The following SPAG16 variants were observed in gnomAD, a reference collection of about 807,000 sequenced individuals.
SPAG16 encodes the protein sperm associated antigen 16, also known as sperm-associated antigen 16 protein.
SPAG16 carries 86 observed loss-of-function variants against 80.4 expected under a neutral mutation model. The ratio of observed to expected loss-of-function variants is 1.07; its 90% CI spans 0.90 to 1.28. The LOEUF (loss-of-function observed/expected upper bound fraction) is 1.28. Ranked by LOEUF, SPAG16 falls within the 50% of genes most tolerant of loss-of-function variation. The pLI is 0.00. For missense variants in SPAG16, 870 were observed against 765.3 expected, an observed-to-expected ratio of 1.14 and a Z score of -1.61; for synonymous variants, 294 against 265.9, an observed-to-expected ratio of 1.11 and a Z score of -1.03.
chr2:213,554,537 C>T (rs551230345), intron 10 of SPAG16, among the ~76,000 whole-genome samples: 119 of 151,994 alleles, frequency 7.8e-4, no homozygotes, highest in African/African-American at 2.7e-3. Context: ...AATGGAGATA[C>T]GAGAACAGCA....
chr2:214,397,389 A>T (rs1701459034), intron 15 of SPAG16, among the ~76,000 whole-genome samples: 1 of 151,902 alleles, frequency 6.6e-6, no homozygotes, highest in Admixed American at 6.6e-5. Flanking sequence ...CAATCTCCGG[A>T]CCTCGTGATC....
chr2:213,619,620 A>C (rs1282422324), intron 10 of SPAG16, among the ~76,000 whole-genome samples: 1 of 152,168 alleles, frequency 6.6e-6, no homozygotes. Context: ...ATATCATCTC[A>C]CTCCAGTTAG....
chr2:214,063,763 C>A (rs1425924971), intron 13 of SPAG16, among the ~76,000 whole-genome samples: 1 of 152,112 alleles, frequency 6.6e-6, no homozygotes, highest in Non-Finnish European at 1.5e-5. Context: ...TCAAATGTCA[C>A]CATTTCCATG....
chr2:214,409,788 T>C (rs893244963), intron 15 of SPAG16, among the ~76,000 whole-genome samples: 4 of 152,208 alleles, frequency 2.6e-5, no homozygotes, highest in Non-Finnish European at 4.4e-5. Context: ...TATAATTTAT[T>C]TGAAAAAGAA....
chr2:214,213,471 A>G (rs1450659967), intron 15 of SPAG16, among the ~76,000 whole-genome samples: 1 of 152,174 alleles, frequency 6.6e-6, no homozygotes, highest in African/African-American at 2.4e-5. Context: ...ACCAGCTGCT[A>G]GAATTCTTCC....
chr2:213,611,987 A>G (rs2061453212), intron 10 of SPAG16, among the ~76,000 whole-genome samples: 1 of 152,204 alleles, frequency 6.6e-6, no homozygotes, highest in Admixed American at 6.5e-5. Flanking sequence ...ATAGTTGATT[A>G]TAATAATAAT....
At chr2:213,616,278 T>A (rs2061594991) in intron 10 of SPAG16, among the ~76,000 whole-genome samples, 1 of 152,232 alleles carries the variant, frequency 6.6e-6, no homozygotes, top group Admixed American at 6.5e-5. Context: ...CACAAATTGT[T>A]CTAATTTTAC....
intron 10 of SPAG16, among the ~76,000 whole-genome samples, chr2:213,825,278 GCAGTGGGCATCTGTGTCATA>G (rs2073203110): frequency 6.6e-6 from 1 of 151,986 alleles, no homozygotes; most frequent in African/African-American, 2.4e-5. Flanking sequence ...AACAGTGGTG[GCAGTGGGCATCTGTGTCATA>G]TTCTAGATCT....
chr2:213,833,997 G>A (rs1384767504), intron 10 of SPAG16, among the ~76,000 whole-genome samples: 3 of 152,068 alleles, frequency 2.0e-5, no homozygotes, highest in African/African-American at 4.8e-5. Context: ...CCCAGGGAGA[G>A]GAAATCGAAT....
intron 10 of SPAG16, among the ~76,000 whole-genome samples, chr2:213,747,590 G>T (rs2067885886): frequency 6.6e-6 from 1 of 152,124 alleles, no homozygotes; most frequent in African/African-American, 2.4e-5. Context: ...TACACAAATA[G>T]TTACCATTAT....
At chr2:213,970,715 A>G (rs1326908331) in intron 12 of SPAG16, among the ~76,000 whole-genome samples, 1 of 152,230 alleles carries the variant, frequency 6.6e-6, no homozygotes, top group Admixed American at 6.5e-5. Context: ...AGTATTTTGT[A>G]GATGTCCTTC....
At chr2:214,262,631 C>T (rs2125875326) in intron 15 of SPAG16, among the ~76,000 whole-genome samples, 1 of 151,988 alleles carries the variant, frequency 6.6e-6, no homozygotes, top group African/African-American at 2.4e-5. Context: ...TATGTCAAAA[C>T]AATATTTTTT....
At chr2:213,522,183 TAGG>T (rs2075704256) in intron 10 of SPAG16, among the ~76,000 whole-genome samples, 1 of 152,174 alleles carries the variant, frequency 6.6e-6, no homozygotes, top group African/African-American at 2.4e-5. Flanking sequence ...AGGTCCTGAA[TAGG>T]AGGAGATGGG....
intron 10 of SPAG16, among the ~76,000 whole-genome samples, chr2:213,609,683 T>C (rs2061380246): frequency 6.6e-6 from 1 of 152,154 alleles, no homozygotes; most frequent in Non-Finnish European, 1.5e-5. Flanking sequence ...CCCCACTATT[T>C]CCTTTTCACT....
chr2:213,822,706 G>A lies in SPAG16; in HGVS notation c.1071-39779G>A, dbSNP rs192249145. On this transcript the variant is annotated intron_variant, in intron 10 of 15. Transcript: ENST00000331683. ...GGTGGTTTGCTGAACCTATTGACCC[G>A]TCCTCTAAGTTCCCTCTCCTCAACC... 2.1e-4 allele frequency among the ~76,000 whole-genome samples: 32 copies of A among 152,008 alleles called. 1 individual carries two copies. The highest frequency in any genetic ancestry group is 1.5e-3 in the East Asian group (8 of 5,178).
chr2:214,021,474 A>G (rs959048742), intron 13 of SPAG16, among the ~76,000 whole-genome samples: 1 of 151,996 alleles, frequency 6.6e-6, no homozygotes, highest in Non-Finnish European at 1.5e-5. Flanking sequence ...AAACCATCAG[A>G]TCTCATGAGA....
rs373571511 is a variant in SPAG16 at position 213,627,989 on chromosome 2, CAT to C, written c.1070+137900_1070+137901del. 9.2e-4 allele frequency among the ~76,000 whole-genome samples: 140 copies of C among 152,300 alleles called. 1 individual carries two copies. The highest frequency in any genetic ancestry group is 2.5e-3 in the African/African-American group (106 of 41,584). ...AAATGTCACTATTGAAAACCTATCA[CAT>C]GTTTTATTCTATTCAAAGAGAAAGT... On this transcript the variant is annotated intron_variant, in intron 10 of 15. Transcript: ENST00000331683.
At chr2:214,238,910 C>T (rs1559148429) in intron 15 of SPAG16, 1 of 152,198 alleles carries the variant, frequency 6.6e-6, no homozygotes, top group East Asian at 1.9e-4. Flanking sequence ...CTTGGCTGTT[C>T]ACCATAAAAC....
intron 15 of SPAG16, among the ~76,000 whole-genome samples, chr2:214,165,150 T>G (rs535925756): frequency 6.6e-6 from 1 of 152,234 alleles, no homozygotes; most frequent in African/African-American, 2.4e-5. Flanking sequence ...TTAAATTAGT[T>G]TGAGAATCTC....
Sources: gnomAD v4.1 joint callset for allele counts (sites outside exome capture counted in the v4.1 genomes callset) on GRCh38, gnomAD v4.1.1 for gene constraint, MANE v1.5 for transcripts, NCBI Gene and HGNC (gene_info 2026-07-23, HGNC 2026-07-21) for gene names.